EPHA6: variants seen among roughly 807,000 people sequenced by gnomAD.
EPHA6 encodes EPH receptor A6.
EPHA6 carries 50 observed loss-of-function variants against 112.0 expected under a neutral mutation model. That is an observed-to-expected ratio of 0.45 (90% CI 0.36 to 0.56). EPHA6 has a LOEUF of 0.56. Ranked by LOEUF, EPHA6 falls within the 20% of genes least tolerant of loss-of-function variation. The probability of loss-of-function intolerance (pLI) is 0.00; values close to 1 mark genes in which losing one functional copy is unlikely to be tolerated. For missense variants in EPHA6, 1,280 were observed against 1,417.4 expected (o/e 0.90, Z 1.56); for synonymous variants, 529 against 490.7 (o/e 1.08, Z -1.03).
At chr3:96,907,985 T>G (rs1029309077) in intron 2 of EPHA6, among the ~76,000 whole-genome samples, 2 of 151,986 alleles carry the variant, frequency 1.3e-5, no homozygotes, top group Non-Finnish European at 2.9e-5. Flanking sequence ...TACACAAACC[T>G]AGATGGTATA....
intron 8 of EPHA6, among the ~76,000 whole-genome samples, chr3:97,478,547 A>G (rs535991831): frequency 6.6e-5 from 10 of 152,062 alleles, no homozygotes; most frequent in Non-Finnish European, 1.5e-4. Flanking sequence ...TTGCTTTAAC[A>G]TTCCATGCAA....
intron 3 of EPHA6, among the ~76,000 whole-genome samples, chr3:97,082,006 A>G (rs1281043399): frequency 6.6e-6 from 1 of 151,720 alleles, no homozygotes; most frequent in Non-Finnish European, 1.5e-5. Context: ...AAATAAGCAT[A>G]TATCATTTTA....
chr3:97,696,878 C>T (rs528979292), intron 14 of EPHA6, among the ~76,000 whole-genome samples: 1 of 152,154 alleles, frequency 6.6e-6, no homozygotes, highest in Non-Finnish European at 1.5e-5. Context: ...AAGCCTCAAC[C>T]ATTGCTGGCC....
At chr3:97,459,775 T>C (rs969678778) in intron 7 of EPHA6, among the ~76,000 whole-genome samples, 8 of 152,224 alleles carry the variant, frequency 5.3e-5, no homozygotes, top group Admixed American at 4.6e-4. Flanking sequence ...GAGACGATTT[T>C]AGCCTTAAAA....
intron 3 of EPHA6, among the ~76,000 whole-genome samples, chr3:96,990,859 C>G (rs911744241): frequency 6.6e-6 from 1 of 152,012 alleles, no homozygotes; most frequent in South Asian, 2.1e-4. Context: ...AAAGGTCAAA[C>G]TAATTCAAAC....
chr3:97,579,114 A>G (rs1159036090), intron 11 of EPHA6, among the ~76,000 whole-genome samples: 1 of 152,230 alleles, frequency 6.6e-6, no homozygotes, highest in East Asian at 1.9e-4. Context: ...ACTTAAATAC[A>G]AACTCTCTGG....
At chr3:97,207,747 AT>A (rs962085318) in intron 3 of EPHA6, among the ~76,000 whole-genome samples, 1 of 152,186 alleles carries the variant, frequency 6.6e-6, no homozygotes, top group African/African-American at 2.4e-5. Context: ...TTATAGCTTT[AT>A]AATAGAAGAC....
At chr3:97,702,780 G>A (rs1016020485) in intron 14 of EPHA6, among the ~76,000 whole-genome samples, 1 of 151,716 alleles carries the variant, frequency 6.6e-6, no homozygotes, top group African/African-American at 2.4e-5. Context: ...TTTTTTTACA[G>A]GTTAGATTGT....
At chr3:97,177,353 C>A (rs1442709624) in intron 3 of EPHA6, among the ~76,000 whole-genome samples, 2 of 151,886 alleles carry the variant, frequency 1.3e-5, no homozygotes, top group Non-Finnish European at 2.9e-5. Flanking sequence ...TATTCTGAAG[C>A]TCTTGGATGA....
chr3:96,932,725 T>C (rs2040385086), intron 2 of EPHA6, among the ~76,000 whole-genome samples: 2 of 152,208 alleles, frequency 1.3e-5, no homozygotes, highest in African/African-American at 4.8e-5. Flanking sequence ...GATGGTGGAC[T>C]ATAATCACAG....
At chr3:97,594,507 A>T (rs2093570753) in intron 12 of EPHA6, among the ~76,000 whole-genome samples, 1 of 152,132 alleles carries the variant, frequency 6.6e-6, no homozygotes, top group Non-Finnish European at 1.5e-5. Context: ...ACTGAAATTA[A>T]CTCAACACAC....
chr3:97,127,216 G>C (rs1195391490), intron 3 of EPHA6, among the ~76,000 whole-genome samples: 1 of 152,134 alleles, frequency 6.6e-6, no homozygotes. Context: ...TTGTACAAAG[G>C]GATATGATCT....
intron 13 of EPHA6, among the ~76,000 whole-genome samples, chr3:97,633,186 C>T (rs1401312264): frequency 6.6e-6 from 1 of 151,922 alleles, no homozygotes; most frequent in African/African-American, 2.4e-5. Flanking sequence ...AAACAGCAGG[C>T]ATTATTATAT....
chr3:97,408,829 C>A (rs2087528267), intron 6 of EPHA6, among the ~76,000 whole-genome samples: 1 of 151,978 alleles, frequency 6.6e-6, no homozygotes, highest in Admixed American at 6.6e-5. Context: ...GTGATTTCAA[C>A]ATATGAATTT....
chr3:96,951,422 G>A (rs554060202), intron 2 of EPHA6, among the ~76,000 whole-genome samples: 6 of 152,116 alleles, frequency 3.9e-5, no homozygotes, highest in South Asian at 2.1e-4. Context: ...AAAAAGGCAC[G>A]TAACTCTTTG....
At chr3:97,624,531 TTGTC>T (rs2107513866) in intron 13 of EPHA6, among the ~76,000 whole-genome samples, 1 of 151,646 alleles carries the variant, frequency 6.6e-6, no homozygotes, top group Non-Finnish European at 1.5e-5. Context: ...TGTAGTGTCT[TTGTC>T]TGGCTTTAGT....
chr3:97,478,563 A>C (rs61192046), intron 8 of EPHA6, among the ~76,000 whole-genome samples: 5 of 151,936 alleles, frequency 3.3e-5, no homozygotes, highest in African/African-American at 1.2e-4. Flanking sequence ...TGCAATGAAG[A>C]GAACAATTTC....
rs948040745 is a variant in EPHA6, at chr3:97,464,116, A to G, written c.1895-11236A>G. On this transcript the variant is annotated intron_variant, in intron 7 of 17. Transcript: ENST00000389672. ...AAAATATGTCTATGGCTTATAAATC[A>G]CATTTCCCTTAGTGTCAACCATGCA... Among the ~76,000 whole-genome samples, 33 of 152,266 alleles carry G rather than the reference A, an allele frequency of 2.2e-4. No homozygotes were observed. In the South Asian group the frequency reaches 4.1e-3, roughly 19 times the overall value.
intron 11 of EPHA6, among the ~76,000 whole-genome samples, chr3:97,579,886 TA>T (rs907890701): frequency 5.9e-5 from 9 of 152,032 alleles, no homozygotes; most frequent in Middle Eastern, 3.4e-3. Flanking sequence ...AAGCATCTTT[TA>T]AAAAAAACTA....
Sources: allele counts gnomAD v4.1 joint callset (sites outside exome capture counted in the v4.1 genomes callset), GRCh38; gene constraint gnomAD v4.1.1; transcripts MANE v1.5; gene names NCBI Gene and HGNC (gene_info 2026-07-23, HGNC 2026-07-21).